The following UNC80 variants were observed in gnomAD, a reference collection of about 807,000 sequenced individuals.
UNC80 encodes the protein protein unc-80 homolog.
A neutral mutation model predicts 384.6 loss-of-function variants in UNC80; 164 were observed. The ratio of observed to expected loss-of-function variants is 0.43; its 90% CI spans 0.38 to 0.49. UNC80 has a LOEUF of 0.49. Ranked by LOEUF, UNC80 falls within the 20% of genes least tolerant of loss-of-function variation. The pLI is 0.00. For missense variants in UNC80, 3,330 were observed against 4,143.0 expected (o/e 0.80, Z 5.39); for synonymous variants, 1,486 against 1,527.8 (o/e 0.97, Z 0.64).
At chr2:209,901,588 C>T (rs373287999) in intron 28 of UNC80, among the ~76,000 whole-genome samples, 2 of 152,088 alleles carry the variant, frequency 1.3e-5, no homozygotes, top group East Asian at 1.9e-4. Flanking sequence ...TTCTGGAGCC[C>T]ACAGATCAAG....
Position 209,995,531 on chromosome 2 carries a change from A to G in UNC80, c.9911A>G (p.Gln3304Arg). ...ATGGAGAACCCGCTACTATCTAGTC[A>G]GTTCACCTTTACTCCCACTGAGCTG... ...NGMENPLLSS[Q>R]FTFTPTELGK... Residue 3304 changes from glutamine (Q) to arginine (R), a missense_variant, in exon 65 of 65, where the codon CAG becomes CGG. Gln to Arg is a conservative substitution (Grantham distance 43, BLOSUM62 1). Transcript: ENST00000673920. 6.4e-7 allele frequency: 1 copy of G among 1,552,026 alleles called. No individual in the cohort carries two copies. Among genetic ancestry groups the G allele is most frequent in the Non-Finnish European group, 8.7e-7 (1 of 1,147,066 alleles).
intron 15 of UNC80, among the ~76,000 whole-genome samples, chr2:209,830,098 A>G (rs2080847581): frequency 6.6e-6 from 1 of 152,224 alleles, no homozygotes; most frequent in Admixed American, 6.5e-5. Context: ...TAAAATACAC[A>G]TTTTAATTAG....
chr2:209,893,444 A>G (rs1337610226), intron 26 of UNC80, among the ~76,000 whole-genome samples: 3 of 152,282 alleles, frequency 2.0e-5, no homozygotes, highest in African/African-American at 7.2e-5. Context: ...TTCCTCACTG[A>G]TTACTATTTC....
At chr2:209,923,066 G>A (rs938181452) in intron 35 of UNC80, among the ~76,000 whole-genome samples, 10 of 152,070 alleles carry the variant, frequency 6.6e-5, no homozygotes, top group South Asian at 2.1e-4. Context: ...TATATGATTT[G>A]CAAATATTTT....
In UNC80 at chr2:209,839,806, T is replaced by A. The variant is rs1365997611; in HGVS notation, c.3250+376T>A. Reference sequence around the variant, plus strand: ...ATAGTTCTACGAAAGCATGCAACAATGAGACCTGACCTGAATGTGGGGGAG... The same window carrying A: ...ATAGTTCTACGAAAGCATGCAACAAAGAGACCTGACCTGAATGTGGGGGAG... On this transcript the variant is annotated intron_variant, in intron 19 of 64. Transcript: ENST00000673920. This position sits in a 1 kb window ranked among gnomAD's most constrained non-coding sequence, Gnocchi z 4.1. Among the ~76,000 whole-genome samples the A allele has an allele frequency of 6.6e-6, 1 of 152,166 alleles. No homozygotes were observed. Among genetic ancestry groups the A allele is most frequent in the Non-Finnish European group, 1.5e-5 (1 of 68,032 alleles).
chr2:209,834,731 G>A (rs2081226074), intron 17 of UNC80, among the ~76,000 whole-genome samples, 181 bp from the exon 18 acceptor site: 1 of 152,150 alleles, frequency 6.6e-6, no homozygotes, highest in African/African-American at 2.4e-5. Flanking sequence ...GAAGCAAAAA[G>A]GCTGCTAAGT....
At chr2:209,852,152 C>G (rs1478382530) in intron 22 of UNC80, among the ~76,000 whole-genome samples, 2 of 152,012 alleles carry the variant, frequency 1.3e-5, no homozygotes, top group Non-Finnish European at 2.9e-5. Flanking sequence ...TAGACTGGAT[C>G]CAGTAGGGGT....
intron 7 of UNC80, among the ~76,000 whole-genome samples, chr2:209,810,238 G>A (rs1292435848): frequency 6.6e-6 from 1 of 152,094 alleles, no homozygotes; most frequent in African/African-American, 2.4e-5. Context: ...CCTAAGTGGG[G>A]TGCTCTGGTC....
In UNC80 at chr2:209,840,619, C is replaced by T. The variant is rs777091779; in HGVS notation, c.3328C>T (p.Arg1110Ter). 7 of 1,551,834 alleles carry T rather than the reference C, an allele frequency of 4.5e-6. No homozygotes were observed. The highest frequency in any genetic ancestry group is 1.4e-5 in the African/African-American group (1 of 73,018). The change falls in exon 20 of 65, where the codon CGA becomes TGA. Residue 1110 changes from arginine to a stop codon, truncating the protein, a stop_gained. Transcript: ENST00000673920. LOFTEE classifies it high-confidence loss of function. ...CCTCCTGGACATTAGCTCTGTGGAC[C>T]GACTCTCTTTCATCAGGCAAAGCTC... is the stretch of plus-strand genomic sequence containing the variant. Reference protein sequence around the residue: ...EDLLDISSVDRLSFIRQSSKV... With the variant: ...EDLLDISSVD
intron 47 of UNC80, among the ~76,000 whole-genome samples, chr2:209,952,417 T>C (rs1315454080): frequency 1.3e-5 from 2 of 152,236 alleles, no homozygotes; most frequent in Non-Finnish European, 2.9e-5. Flanking sequence ...GCTGTTCTAT[T>C]TATTTCACAC....
rs192900816 is a variant in UNC80 at position 209,946,703 on chromosome 2, T to C, written c.7286+760T>C. On this transcript the variant is annotated intron_variant, in intron 47 of 64. Coordinates refer to ENST00000673920, the MANE Select transcript of UNC80 (RefSeq NM_001371986.1). ...AGAATTCAAAGACTCACATGAAGAA[T>C]GAGTCATCCCAATTCAAAGATGTTG... Among the ~76,000 whole-genome samples the C allele has an allele frequency of 1.5e-4, 23 of 152,338 alleles. No homozygotes were observed. In the East Asian group the frequency reaches 3.3e-3, roughly 22 times the overall value.
chr2:209,973,579 T>C (rs1475934278), intron 56 of UNC80, among the ~76,000 whole-genome samples: 1 of 152,204 alleles, frequency 6.6e-6, no homozygotes, highest in South Asian at 2.1e-4. Context: ...CTTGGCTGTT[T>C]TATATATGAG....
intron 14 of UNC80, 30 bp from the exon 15 acceptor site, chr2:209,829,202 G>T: frequency 6.5e-7 from 1 of 1,550,010 alleles, no homozygotes; most frequent in South Asian, 1.2e-5. Flanking sequence ...TGGTACTTGT[G>T]ACTTTTTCAC....
chr2:209,892,818 G>T (rs1007459868), intron 26 of UNC80, among the ~76,000 whole-genome samples: 1 of 152,188 alleles, frequency 6.6e-6, no homozygotes, highest in African/African-American at 2.4e-5. Context: ...AGTATAGTGT[G>T]TGAGTTTTGT....
At chr2:209,819,813 A>G (rs1005670158) in intron 12 of UNC80, among the ~76,000 whole-genome samples, 1 of 152,244 alleles carries the variant, frequency 6.6e-6, no homozygotes, top group Non-Finnish European at 1.5e-5. Flanking sequence ...ATTAAAACCA[A>G]TAAAGGAACA....
chr2:209,794,739 T>C, intron 7 of UNC80: 1 of 452,598 alleles, frequency 2.2e-6, no homozygotes, highest in Non-Finnish European at 4.4e-6. Flanking sequence ...GATGGGTTTA[T>C]CAGGGGTTTC....
chr2:209,864,489 A>G (rs964397082), intron 22 of UNC80, among the ~76,000 whole-genome samples: 1 of 152,128 alleles, frequency 6.6e-6, no homozygotes, highest in African/African-American at 2.4e-5. Flanking sequence ...CGAAGAAGAG[A>G]CTGAGGCCAC....
chr2:209,961,229 C>T (rs190589439), intron 51 of UNC80: 2 of 152,142 alleles, frequency 1.3e-5, no homozygotes, highest in Non-Finnish European at 2.9e-5. Context: ...GAGGCCAATA[C>T]CTATTAAAGG....
chr2:209,945,253 A>G, intron 46 of UNC80, 64 bp downstream of exon 46: 2 of 1,473,506 alleles, frequency 1.4e-6, no homozygotes, highest in African/African-American at 1.4e-5. Flanking sequence ...AAATATATGT[A>G]TTATACACAC....
Sources: allele counts gnomAD v4.1 joint callset (sites outside exome capture counted in the v4.1 genomes callset), GRCh38; gene constraint gnomAD v4.1.1; non-coding constraint Gnocchi (gnomAD v3.1); transcripts MANE v1.5; gene names NCBI Gene and HGNC (gene_info 2026-07-23, HGNC 2026-07-21).